Variants in OR7A5 observed in about 807,000 individuals in gnomAD.
OR7A5 encodes olfactory receptor 7A5.
For synonymous variants in OR7A5, 140 were observed against 146.7 expected (o/e 0.95, Z 0.33); for missense variants, 319 against 377.9 (o/e 0.84, Z 1.29).
chr19:14,834,181 G>C (rs1243435729), intron 1 of OR7A5, among the ~76,000 whole-genome samples: 2 of 152,144 alleles, frequency 1.3e-5, no homozygotes, highest in Non-Finnish European at 2.9e-5. Flanking sequence ...AGGATCACCG[G>C]AGCCAAGGAG....
rs754778616 is a variant in OR7A5, at chr19:14,828,187, G to A, written c.55C>T (p.Gln19Ter). 31 of 1,613,524 alleles carry A rather than the reference G, an allele frequency of 1.9e-5. No individual in the cohort carries two copies. In the Admixed American group the frequency reaches 4.8e-4, roughly 25 times the overall value. Residue 19 changes from glutamine to a stop codon, truncating the protein, a stop_gained, in exon 2 of 2, where the codon CAA becomes TAA. Coordinates refer to ENST00000322301, the MANE Select transcript of OR7A5 (RefSeq NM_017506.2). LOFTEE classifies it low-confidence loss of function (END_TRUNC). ...AGGAAGGGTTGCAGTCCAGGTTCTT[G>A]TGAAAATCCCAGAAGAAGAAATTCT... is the stretch of plus-strand genomic sequence containing the variant. Reference protein sequence around the residue: ...ISEFLLLGFSQEPGLQPFLFG... With the variant: ...ISEFLLLGFS
rs1241725731 is a variant in OR7A5, at chr19:14,827,356, C to G, written c.886G>C (p.Asp296His). 3.7e-6 allele frequency: 6 copies of G among 1,605,010 alleles called. No individual in the cohort carries two copies. The highest frequency in any genetic ancestry group is 5.1e-6 in the Non-Finnish European group (6 of 1,177,254). ...NPFIYSLRNK[D>H]IKRALGIHLL... ...TGTATTCCCAGAGCCCTCTTTATGT[C>G]TTTATTCCTCAGACTATAGATAAAG... Residue 296 changes from aspartate (D) to histidine (H), a missense_variant, in exon 2 of 2, where the codon GAC (aspartate) becomes CAC (histidine). By Grantham distance (81) the Asp-to-His change is moderately conservative. Coordinates refer to ENST00000322301, the MANE Select transcript of OR7A5 (RefSeq NM_017506.2).
chr19:14,827,803 C>T lies in OR7A5; in HGVS notation c.439G>A (p.Ala147Thr). 4 of 1,614,140 alleles carry T rather than the reference C, an allele frequency of 2.5e-6. No homozygotes were observed. Among genetic ancestry groups the T allele is most frequent in the Non-Finnish European group, 3.4e-6 (4 of 1,180,024 alleles). ...TACAGAGCACTCATGGTCCAGGATGCTAGAACCAGCAGTCCACAGAGGTGA... is the reference window on the plus strand; with the variant it reads ...TACAGAGCACTCATGGTCCAGGATGTTAGAACCAGCAGTCCACAGAGGTGA... ...NPHLCGLLVL[A>T]SWTMSALYSL... is the part of the protein sequence containing the mutation. The change falls in exon 2 of 2, where the codon GCA becomes ACA. Residue 147 changes from alanine to threonine, a missense_variant. Coordinates refer to ENST00000322301, the MANE Select transcript of OR7A5 (RefSeq NM_017506.2).
chr19:14,828,846 G>C (rs1232899502), intron 1 of OR7A5, among the ~76,000 whole-genome samples: 4 of 144,642 alleles, frequency 2.8e-5, no homozygotes, highest in African/African-American at 1.0e-4. Flanking sequence ...CCATGTTCTT[G>C]TCACTGTCTA....
intron 1 of OR7A5, among the ~76,000 whole-genome samples, chr19:14,832,270 T>C (rs1417823742): frequency 6.6e-6 from 1 of 152,158 alleles, no homozygotes; most frequent in South Asian, 2.1e-4. Flanking sequence ...CTTATGACAT[T>C]GCATCATGCA....
Position 14,828,124 on chromosome 19 carries a change from G to A in OR7A5, c.118C>T (p.Leu40Phe). ...GCCAGGATGATGAGCAGGTTCCCGA[G>A]CACAGTGACCAGGTACATGGACAGG... ...LFLSMYLVTV[L>F]GNLLIILATI... Residue 40 changes from leucine (L) to phenylalanine (F), a missense_variant, in exon 2 of 2, where the codon CTC (leucine) becomes TTC (phenylalanine). Physicochemically the swap from Leu to Phe is conservative, Grantham distance 22. Transcript: ENST00000322301. 3.1e-6 allele frequency: 5 copies of A among 1,614,130 alleles called. No homozygotes were observed. The highest frequency in any genetic ancestry group is 4.2e-6 in the Non-Finnish European group (5 of 1,180,030).
chr19:14,830,332 A>G (rs1358971388), intron 1 of OR7A5, among the ~76,000 whole-genome samples: 4 of 152,208 alleles, frequency 2.6e-5, no homozygotes, highest in Admixed American at 6.5e-5. Context: ...CAATAAACAG[A>G]GTGAGAGAAA....
In OR7A5 at chr19:14,828,189, G is replaced by C; in HGVS notation, c.53C>G (p.Ser18Ter). Residue 18 changes from serine (S) to a stop codon, truncating the protein, a stop_gained, in exon 2 of 2, where the codon TCA becomes TGA. Coordinates refer to ENST00000322301, the MANE Select transcript of OR7A5 (RefSeq NM_017506.2). LOFTEE classifies it low-confidence loss of function (END_TRUNC). The part of the protein sequence containing the change: ...QISEFLLLGF[S>*]QEPGLQPFLF... ...GAAGGGTTGCAGTCCAGGTTCTTGT[G>C]AAAATCCCAGAAGAAGAAATTCTGA... 6.2e-7 allele frequency: 1 copy of C among 1,613,486 alleles called. No individual in the cohort carries two copies. Among genetic ancestry groups the C allele is most frequent in the Non-Finnish European group, 8.5e-7 (1 of 1,179,652 alleles).
At chr19:14,830,724 T>A (rs2044823382) in intron 1 of OR7A5, among the ~76,000 whole-genome samples, 1 of 152,196 alleles carries the variant, frequency 6.6e-6, no homozygotes, top group Non-Finnish European at 1.5e-5. Context: ...AAGACAAGAC[T>A]GTGGAGTCCT....
chr19:14,827,499 A>G lies in OR7A5; in HGVS notation c.743T>C (p.Val248Ala). 2 of 1,614,096 alleles carry G rather than the reference A, an allele frequency of 1.2e-6. No individual in the cohort carries two copies. Among genetic ancestry groups the G allele is most frequent in the Non-Finnish European group, 1.7e-6 (2 of 1,180,022 alleles). Reference sequence around the variant, plus strand: ...TAGGATTGCACCATAAAATAAGGAGACAACTGAGAGGTGAGATGCACAGGT... The same window carrying G: ...TAGGATTGCACCATAAAATAAGGAGGCAACTGAGAGGTGAGATGCACAGGT... The part of the protein sequence containing the change: ...FSTCASHLSV[V>A]SLFYGAILGV... The change falls in exon 2 of 2, where the codon GTC (valine) becomes GCC (alanine). Residue 248 changes from valine (V) to alanine (A), a missense_variant. By Grantham distance (64) the Val-to-Ala change is moderately conservative. Coordinates refer to ENST00000322301, the MANE Select transcript of OR7A5 (RefSeq NM_017506.2).
Position 14,827,994 on chromosome 19 carries a change from A to G in OR7A5, c.248T>C (p.Met83Thr), listed in dbSNP as rs761915249. ...GACTTTGTTCTGTGTCTGGATGTTC[A>G]TCAGCATTTTTGGAATGGTGGTGGA... ...VTSTTIPKML[M>T]NIQTQNKVIT... The change falls in exon 2 of 2, where the codon ATG becomes ACG. Residue 83 changes from methionine to threonine, a missense_variant. By Grantham distance (81) the Met-to-Thr change is moderately conservative. Coordinates refer to ENST00000322301, the MANE Select transcript of OR7A5 (RefSeq NM_017506.2). 1.2e-6 allele frequency: 2 copies of G among 1,614,110 alleles called. No homozygotes were observed. The highest frequency in any genetic ancestry group is 4.5e-5 in the East Asian group (2 of 44,898).
At chr19:14,832,478 T>C (rs2044843012) in intron 1 of OR7A5, among the ~76,000 whole-genome samples, 1 of 149,558 alleles carries the variant, frequency 6.7e-6, no homozygotes, top group Non-Finnish European at 1.5e-5. Flanking sequence ...CAGGCTGGAG[T>C]GCAGTGGCGC....
Position 14,828,254 on chromosome 19 carries a change from A to T in OR7A5, c.-13T>A. 1 of 1,600,416 alleles carries T rather than the reference A, an allele frequency of 6.2e-7. No homozygotes were observed. Among genetic ancestry groups the T allele is most frequent in the Non-Finnish European group, 8.5e-7 (1 of 1,171,810 alleles). ...TTCCTGGTTCCATTTGATTGAAGTGACTATCAGAGAGAGAGAGAGAAAGAG... is the reference window on the plus strand; with the variant it reads ...TTCCTGGTTCCATTTGATTGAAGTGTCTATCAGAGAGAGAGAGAGAAAGAG... On this transcript the variant is annotated splice_region_variant and 5_prime_UTR_variant, in exon 2 of 2. Transcript: ENST00000322301.
intron 1 of OR7A5, among the ~76,000 whole-genome samples, chr19:14,833,242 G>T (rs2044851459): frequency 6.6e-6 from 1 of 152,238 alleles, no homozygotes; most frequent in Admixed American, 6.5e-5. Context: ...AGTTTGGAAG[G>T]TCCAGGTGGG....
chr19:14,833,928 T>G (rs1189691291), intron 1 of OR7A5, among the ~76,000 whole-genome samples: 1 of 152,192 alleles, frequency 6.6e-6, no homozygotes, highest in Non-Finnish European at 1.5e-5. Context: ...AGTGTCATAA[T>G]GTCTTGTGGA....
intron 1 of OR7A5, among the ~76,000 whole-genome samples, chr19:14,828,877 G>A (rs1157542912): frequency 1.3e-5 from 2 of 150,564 alleles, no homozygotes; most frequent in Admixed American, 1.3e-4. Context: ...GAACAATGCT[G>A]AGAAACAAAA....
intron 1 of OR7A5, among the ~76,000 whole-genome samples, chr19:14,828,758 C>CAAAAAAAAAA (rs58983718): frequency 8.5e-4 from 30 of 35,148 alleles, no homozygotes; most frequent in African/African-American, 2.2e-3. Flanking sequence ...GACTCCATCT[C>CAAAAAAAAAA]AAAAAAAAAA....
At chr19:14,834,588 C>T (rs375290044) in intron 1 of OR7A5, among the ~76,000 whole-genome samples, 2 of 152,156 alleles carry the variant, frequency 1.3e-5, no homozygotes, top group Non-Finnish European at 2.9e-5. Context: ...GCAAAATATA[C>T]GCATTATGAA....
intron 1 of OR7A5, among the ~76,000 whole-genome samples, chr19:14,833,995 C>CCGGGTACTCTAATTTTGGTGACAGAAAT (rs1555696582): frequency 6.6e-6 from 1 of 152,144 alleles, no homozygotes; most frequent in Non-Finnish European, 1.5e-5. Flanking sequence ...CGTGGTGGCA[C>CCGGGTACTCTAATTTTGGTGACAGAAAT]ACGTCTGCAA....
Sources: gnomAD v4.1 joint callset for allele counts (sites outside exome capture counted in the v4.1 genomes callset) on GRCh38, gnomAD v4.1.1 for gene constraint, MANE v1.5 for transcripts, NCBI Gene and HGNC (gene_info 2026-07-23, HGNC 2026-07-21) for gene names.